CAPS2: variants seen among roughly 807,000 people sequenced by gnomAD.
CAPS2 encodes the protein calcyphosin-2.
Under a neutral mutation model 86.5 loss-of-function variants are expected in CAPS2, and 98 were observed. That is an observed-to-expected ratio of 1.13 (90% CI 0.96 to 1.34). CAPS2 has a LOEUF of 1.34. Among genes scored for constraint, CAPS2 ranks in the 40% most tolerant of loss-of-function variants. The probability of loss-of-function intolerance (pLI) is 0.00; values close to 1 mark genes in which losing one functional copy is unlikely to be tolerated. For synonymous variants in CAPS2, 210 were observed against 225.1 expected (o/e 0.93, Z 0.60); for missense variants, 729 against 686.8 (o/e 1.06, Z -0.69).
chr12:75,380,510 A>G (rs1024529382), intron 1 of CAPS2, among the ~76,000 whole-genome samples: 2 of 151,764 alleles, frequency 1.3e-5, no homozygotes, highest in African/African-American at 4.8e-5. Context: ...GATTATTATA[A>G]GAATAACTCA....
At chr12:75,313,844 A>G (rs2039476331) in intron 6 of CAPS2, among the ~76,000 whole-genome samples, 1 of 152,238 alleles carries the variant, frequency 6.6e-6, no homozygotes, top group South Asian at 2.1e-4. Flanking sequence ...CATAAAAACA[A>G]AAAGTAAAAA....
At chr12:75,367,130 C>A in intron 1 of CAPS2, 1 of 662,840 alleles carries the variant, frequency 1.5e-6, no homozygotes, top group Non-Finnish European at 2.7e-6. Context: ...CTTTAGAATA[C>A]ACCTCCAAAG....
chr12:75,383,661 T>C (rs1354477404), intron 1 of CAPS2, among the ~76,000 whole-genome samples: 3 of 152,104 alleles, frequency 2.0e-5, no homozygotes, highest in Non-Finnish European at 4.4e-5. Context: ...ATAGTTAAAC[T>C]CAACAACAAC....
intron 8 of CAPS2, among the ~76,000 whole-genome samples, chr12:75,301,334 T>C (rs2037789274): frequency 1.3e-5 from 2 of 152,196 alleles, no homozygotes. Flanking sequence ...ACAGGAAACG[T>C]GAGCCTGCAA....
intron 12 of CAPS2, among the ~76,000 whole-genome samples, chr12:75,292,881 A>G (rs1429582464): frequency 6.6e-6 from 1 of 151,372 alleles, no homozygotes; most frequent in Non-Finnish European, 1.5e-5. Flanking sequence ...TTTTTTAGAT[A>G]CTAAAAAAAA....
intron 1 of CAPS2, among the ~76,000 whole-genome samples, chr12:75,381,686 C>G (rs1366978893): frequency 6.8e-6 from 1 of 147,718 alleles, no homozygotes; most frequent in Non-Finnish European, 1.5e-5. Context: ...ACAATCTCGG[C>G]CCGCTGCAAC....
chr12:75,309,370 C>T (rs2038896074), intron 7 of CAPS2, among the ~76,000 whole-genome samples: 1 of 152,222 alleles, frequency 6.6e-6, no homozygotes, highest in Non-Finnish European at 1.5e-5. Context: ...TTGTTCAGGA[C>T]ACCAAGAACC....
chr12:75,325,810 G>C (rs751242376), intron 1 of CAPS2, among the ~76,000 whole-genome samples: 3 of 152,014 alleles, frequency 2.0e-5, no homozygotes, highest in East Asian at 1.9e-4. Context: ...GAGTGTGAGG[G>C]GGGGTAGGGC....
intron 1 of CAPS2, among the ~76,000 whole-genome samples, chr12:75,335,469 T>C (rs1403111400): frequency 6.6e-6 from 1 of 152,204 alleles, no homozygotes; most frequent in Non-Finnish European, 1.5e-5. Context: ...AATTGTATGA[T>C]TGGAAATTTC....
chr12:75,370,021 AT>A, intron 1 of CAPS2: 2 of 1,222,684 alleles, frequency 1.6e-6, no homozygotes, highest in Middle Eastern at 1.9e-4. Context: ...TAATTAAATT[AT>A]TTCCTCCCGT....
At chr12:75,335,516 C>A (rs1264218831) in intron 1 of CAPS2, among the ~76,000 whole-genome samples, 19 of 152,100 alleles carry the variant, frequency 1.2e-4, no homozygotes, top group Admixed American at 1.2e-3. Flanking sequence ...ATAAATGCAT[C>A]ACTATGAGCA....
chr12:75,349,460 T>C (rs2042664206), intron 1 of CAPS2, among the ~76,000 whole-genome samples: 1 of 152,112 alleles, frequency 6.6e-6, no homozygotes, highest in Non-Finnish European at 1.5e-5. Flanking sequence ...AATGAAATAT[T>C]ACCAGCCATA....
chr12:75,375,089 G>A (rs11520223), intron 1 of CAPS2, among the ~76,000 whole-genome samples: 3 of 151,928 alleles, frequency 2.0e-5, no homozygotes, highest in Admixed American at 2.0e-4. Flanking sequence ...CTAGGTAGAG[G>A]CATCTCTAAT....
At chr12:75,317,032 G>T (rs1243166432) in intron 5 of CAPS2, among the ~76,000 whole-genome samples, 1 of 151,984 alleles carries the variant, frequency 6.6e-6, no homozygotes, top group East Asian at 1.9e-4. Flanking sequence ...CTTCCCCCCA[G>T]GGCTTATTCT....
intron 1 of CAPS2, among the ~76,000 whole-genome samples, chr12:75,354,313 T>G (rs1319351655): frequency 1.3e-5 from 2 of 151,786 alleles, no homozygotes; most frequent in African/African-American, 4.8e-5. Flanking sequence ...ACAAAAAAAG[T>G]CACAAGCATT....
At chr12:75,347,022 T>A (rs1000030049) in intron 1 of CAPS2, among the ~76,000 whole-genome samples, 6 of 151,742 alleles carry the variant, frequency 4.0e-5, no homozygotes, top group African/African-American at 1.2e-4. Context: ...CTATAACTAG[T>A]TTTCCATAGA....
chr12:75,324,616 G>A (rs1285310763), intron 2 of CAPS2, among the ~76,000 whole-genome samples: 2 of 151,938 alleles, frequency 1.3e-5, no homozygotes, highest in Admixed American at 6.6e-5. Context: ...CCACATAAAT[G>A]TTGATGTTTA....
chr12:75,361,766 G>C (rs148408523), intron 1 of CAPS2, among the ~76,000 whole-genome samples: 139 of 152,216 alleles, frequency 9.1e-4, no homozygotes, highest in African/African-American at 3.2e-3. Flanking sequence ...AGAACAGCAT[G>C]AGGGAAACCA....
chr12:75,307,605 T>C (rs1174140734), intron 7 of CAPS2, among the ~76,000 whole-genome samples: 1 of 152,226 alleles, frequency 6.6e-6, no homozygotes. Flanking sequence ...GTTATGGATA[T>C]TCCAAGTACA....
Sources: allele counts gnomAD v4.1 joint callset (sites outside exome capture counted in the v4.1 genomes callset), GRCh38; gene constraint gnomAD v4.1.1; transcripts MANE v1.5; gene names NCBI Gene and HGNC (gene_info 2026-07-23, HGNC 2026-07-21).